Variants in C10orf90 observed in about 807,000 individuals in gnomAD.
C10orf90 encodes chromosome 10 open reading frame 90.
Under a neutral mutation model 62.5 loss-of-function variants are expected in C10orf90, and 56 were observed. The observed-to-expected ratio is 0.90, with a 90% confidence interval of 0.72 to 1.12. C10orf90 has a LOEUF of 1.12. Ranked by LOEUF, C10orf90 falls within the 50% of genes most tolerant of loss-of-function variation. The pLI, the probability that C10orf90 is intolerant of heterozygous loss-of-function variation, is 0.00. For synonymous variants in C10orf90, 386 were observed against 340.4 expected (o/e 1.13, Z -1.47); for missense variants, 970 against 880.4 (o/e 1.10, Z -1.29).
chr10:126,560,667 A>G (rs531763404), intron 2 of C10orf90, among the ~76,000 whole-genome samples: 1 of 152,276 alleles, frequency 6.6e-6, no homozygotes, highest in African/African-American at 2.4e-5. Flanking sequence ...CTTCTGTGCT[A>G]GAGGTCAGCA....
chr10:126,493,350 A>G (rs1861863974), intron 4 of C10orf90, among the ~76,000 whole-genome samples: 1 of 150,900 alleles, frequency 6.6e-6, no homozygotes, highest in South Asian at 2.1e-4. Context: ...AAGTTTTATA[A>G]TAAACATGTT....
At chr10:126,467,467 T>C (rs1483223009) in intron 4 of C10orf90, among the ~76,000 whole-genome samples, 4 of 152,200 alleles carry the variant, frequency 2.6e-5, no homozygotes, top group Non-Finnish European at 5.9e-5. Flanking sequence ...TCTCAGTTCA[T>C]GCCCAACATG....
chr10:126,638,753 C>G (rs887330133), intron 2 of C10orf90, among the ~76,000 whole-genome samples: 1 of 152,192 alleles, frequency 6.6e-6, no homozygotes, highest in South Asian at 2.1e-4. Flanking sequence ...AGTCACCCCG[C>G]CCTCTTTTTA....
At chr10:126,659,219 G>A (rs963620957) in intron 1 of C10orf90, among the ~76,000 whole-genome samples, 1 of 152,188 alleles carries the variant, frequency 6.6e-6, no homozygotes, top group African/African-American at 2.4e-5. Flanking sequence ...GAAAACTAGC[G>A]CAATATGAGG....
chr10:126,519,729 T>C (rs1863637733), intron 2 of C10orf90, among the ~76,000 whole-genome samples: 1 of 152,224 alleles, frequency 6.6e-6, no homozygotes, highest in Non-Finnish European at 1.5e-5. Context: ...ACACAGTTTC[T>C]CTGGGAAGTC....
chr10:126,486,670 C>G (rs1330718705), intron 4 of C10orf90, among the ~76,000 whole-genome samples: 1 of 152,058 alleles, frequency 6.6e-6, no homozygotes, highest in Non-Finnish European at 1.5e-5. Flanking sequence ...CTAGAAAGCA[C>G]TTTTATAAAC....
At chr10:126,509,142 T>C (rs1368322896) in intron 3 of C10orf90, among the ~76,000 whole-genome samples, 1 of 152,206 alleles carries the variant, frequency 6.6e-6, no homozygotes, top group East Asian at 1.9e-4. Flanking sequence ...CCGTGAGTTT[T>C]GACTCTATCA....
chr10:126,572,344 C>T (rs561272247), intron 2 of C10orf90, among the ~76,000 whole-genome samples: 10 of 152,042 alleles, frequency 6.6e-5, no homozygotes, highest in African/African-American at 1.2e-4. Flanking sequence ...GAATTTAGGG[C>T]GAGTCCACAG....
At chr10:126,478,148 T>C (rs1228087612) in intron 4 of C10orf90, among the ~76,000 whole-genome samples, 1 of 152,202 alleles carries the variant, frequency 6.6e-6, no homozygotes, top group Non-Finnish European at 1.5e-5. Context: ...GTTTGTGACA[T>C]GGCATCATTT....
At chr10:126,643,105 T>C (rs1027738287) in intron 2 of C10orf90, among the ~76,000 whole-genome samples, 6 of 152,234 alleles carry the variant, frequency 3.9e-5, no homozygotes, top group Admixed American at 3.3e-4. Context: ...AGATAGTGTA[T>C]TCCAGCAACT....
chr10:126,572,279 G>A (rs1330109856), intron 2 of C10orf90, among the ~76,000 whole-genome samples: 1 of 152,186 alleles, frequency 6.6e-6, no homozygotes, highest in African/African-American at 2.4e-5. Flanking sequence ...CCTGTTACAG[G>A]AAACGGGTCC....
At position 126,565,183 on chromosome 10, in the gene C10orf90, TATA is replaced by T. The variant is rs1844325310; in HGVS notation, c.314-51247_314-51245del. On this transcript the variant is annotated intron_variant, in intron 2 of 9. Coordinates refer to ENST00000488181, the MANE Select transcript of C10orf90 (RefSeq NM_001350921.2). ...AATATTTATATTACATATTATGTAA[TATA>T]ATATTTATATTACATATTATGTAAT... Among the ~76,000 whole-genome samples the T allele has an allele frequency of 5.8e-5, 4 of 69,514 alleles. 1 individual carries two copies. The highest frequency in any genetic ancestry group is 1.0e-4 in the Non-Finnish European group (4 of 39,688). The allele number at this position is 69,514 out of a possible 152,430, so 45.6% of individuals were successfully genotyped here.
intron 2 of C10orf90, among the ~76,000 whole-genome samples, chr10:126,618,127 A>G (rs1051489217): frequency 2.0e-5 from 3 of 152,210 alleles, no homozygotes; most frequent in Admixed American, 6.5e-5. Flanking sequence ...TTTTATTACC[A>G]TATTTCATCA....
chr10:126,525,287 G>A (rs1184593508), intron 2 of C10orf90, among the ~76,000 whole-genome samples: 1 of 152,142 alleles, frequency 6.6e-6, no homozygotes, highest in East Asian at 1.9e-4. Flanking sequence ...CACACACGTC[G>A]GTGAGACCAA....
chr10:126,504,700 C>T lies in C10orf90; in HGVS notation c.791G>A (p.Cys264Tyr), dbSNP rs1025865001. The change falls in exon 4 of 10, where the codon TGC becomes TAC. Residue 264 changes from cysteine to tyrosine, a missense_variant. Coordinates refer to ENST00000488181, the MANE Select transcript of C10orf90 (RefSeq NM_001350921.2). The surrounding 1 kb of genome is among the most constrained non-coding windows in gnomAD (Gnocchi z 4.1). ...CTGGAACAGTGTGTCCTCAGCCCTGCACTTGGGGCACAGAGAGTCCCCAGC... is the reference window on the plus strand; with the variant it reads ...CTGGAACAGTGTGTCCTCAGCCCTGTACTTGGGGCACAGAGAGTCCCCAGC... ...GTAGDSLCPKCRAEDTLFQAP... is the reference protein window; with the variant it reads ...GTAGDSLCPKYRAEDTLFQAP... The T allele has an allele frequency of 6.2e-7, 1 of 1,612,224 alleles. No individual in the cohort carries two copies. The highest frequency in any genetic ancestry group is 1.1e-5 in the South Asian group (1 of 90,922).
At chr10:126,575,630 C>G (rs1390699197) in intron 2 of C10orf90, among the ~76,000 whole-genome samples, 1 of 151,830 alleles carries the variant, frequency 6.6e-6, no homozygotes, top group South Asian at 2.1e-4. Context: ...CAAAGCAATC[C>G]TGGTCAAAAA....
rs150769291 is a variant in C10orf90 at position 126,434,580 on chromosome 10, C to T, written c.2189-4730G>A. Among the ~76,000 whole-genome samples, 30 of 152,232 alleles carry T rather than the reference C, an allele frequency of 2.0e-4. No homozygotes were observed. The East Asian group carries it at 5.4e-3, about 27-fold the overall frequency. Reference sequence around the variant, plus strand: ...AGAAACACCAAAACCAAGAGATACCCGTTGGAGAGAATTCAGCAGGGAGTC... The same window carrying T: ...AGAAACACCAAAACCAAGAGATACCTGTTGGAGAGAATTCAGCAGGGAGTC... On this transcript the variant is annotated intron_variant, in intron 7 of 9. Coordinates refer to ENST00000488181, the MANE Select transcript of C10orf90 (RefSeq NM_001350921.2).
At chr10:126,626,463 G>T (rs188631836) in intron 2 of C10orf90, among the ~76,000 whole-genome samples, 1 of 152,168 alleles carries the variant, frequency 6.6e-6, no homozygotes, top group Non-Finnish European at 1.5e-5. Flanking sequence ...GGTACCAGAC[G>T]CTTGGGGTCA....
intron 2 of C10orf90, among the ~76,000 whole-genome samples, chr10:126,588,233 G>A (rs936248996): frequency 3.9e-5 from 6 of 152,238 alleles, no homozygotes; most frequent in Non-Finnish European, 7.3e-5. Flanking sequence ...GAAGGGTGAC[G>A]GCAGTCTCTG....
Sources: gnomAD v4.1 joint callset for allele counts (sites outside exome capture counted in the v4.1 genomes callset) on GRCh38, gnomAD v4.1.1 for gene constraint, Gnocchi (gnomAD v3.1) non-coding constraint, MANE v1.5 for transcripts, NCBI Gene and HGNC (gene_info 2026-07-23, HGNC 2026-07-21) for gene names.